Variants in ATOSA observed in about 807,000 individuals in gnomAD.
ATOSA encodes atos homolog A, also known as atos homolog protein A.
chr15:52,659,253 T>C, the ATOSA span, among the ~76,000 whole-genome samples: 1 of 152,242 alleles, frequency 6.6e-6, no homozygotes, highest in East Asian at 1.9e-4. Context: ...CTAGCACATA[T>C]GTGCCAGGCA....
the ATOSA span, among the ~76,000 whole-genome samples, chr15:52,642,914 C>T: frequency 1.2e-4 from 18 of 152,258 alleles, no homozygotes; most frequent in South Asian, 1.2e-3. Context: ...ATCATCTTCC[C>T]GCCTTGGCCT....
the ATOSA span, among the ~76,000 whole-genome samples, chr15:52,614,992 T>C: frequency 4.7e-4 from 71 of 152,344 alleles, 1 homozygote; most frequent in African/African-American, 1.4e-3. Context: ...TAGAAAAAGA[T>C]ACAGATCCAA....
the ATOSA span, among the ~76,000 whole-genome samples, chr15:52,615,157 G>A: frequency 0.01 from 1,555 of 152,194 alleles, 25 homozygotes; most frequent in African/African-American, 0.036. Flanking sequence ...ATCCAGCAGC[G>A]GCACAAAGCC....
At chr15:52,630,044 A>G in the ATOSA span, among the ~76,000 whole-genome samples, 1 of 152,146 alleles carries the variant, frequency 6.6e-6, no homozygotes. Context: ...GTACCTAAGG[A>G]AAGTCATTAC....
chr15:52,642,519 C>T, the ATOSA span, among the ~76,000 whole-genome samples: 1,040 of 152,264 alleles, frequency 6.8e-3, 13 homozygotes, highest in African/African-American at 0.024. Context: ...ATCAGTTTGG[C>T]CACAAGCACA....
At chr15:52,621,577 C>T in the ATOSA span, among the ~76,000 whole-genome samples, 1 of 152,086 alleles carries the variant, frequency 6.6e-6, no homozygotes, top group African/African-American at 2.4e-5. Context: ...GGTAATTGAA[C>T]CATGGGGGTG....
the ATOSA span, among the ~76,000 whole-genome samples, chr15:52,623,631 A>C: frequency 6.6e-6 from 1 of 152,142 alleles, no homozygotes; most frequent in Non-Finnish European, 1.5e-5. Flanking sequence ...ATGGTCTCAA[A>C]CACTGGTAAG....
chr15:52,677,951 A>C, the ATOSA span: 3 of 1,606,236 alleles, frequency 1.9e-6, no homozygotes, highest in South Asian at 3.3e-5. Context: ...TTCTAAATTG[A>C]GGCATAGAAA....
the ATOSA span, among the ~76,000 whole-genome samples, chr15:52,588,129 A>G: frequency 6.6e-6 from 1 of 152,198 alleles, no homozygotes; most frequent in Non-Finnish European, 1.5e-5. Context: ...CATCATCAGC[A>G]TCACTTGTGA....
chr15:52,652,163 G>T, the ATOSA span: 2 of 956,360 alleles, frequency 2.1e-6, no homozygotes, highest in Non-Finnish European at 2.8e-6. Flanking sequence ...CTGTCTACTT[G>T]GCAGCACTGT....
chr15:52,616,778 GC>G, the ATOSA span, among the ~76,000 whole-genome samples: 1 of 152,146 alleles, frequency 6.6e-6, no homozygotes, highest in South Asian at 2.1e-4. Flanking sequence ...ACTGCCATGG[GC>G]ATGGAACAGC....
chr15:52,643,377 GA>G, the ATOSA span, among the ~76,000 whole-genome samples: 7 of 151,758 alleles, frequency 4.6e-5, no homozygotes, highest in African/African-American at 1.7e-4. Flanking sequence ...CTGCAGCCCT[GA>G]ACTCCTGTAC....
chr15:52,642,871 T>C, the ATOSA span, among the ~76,000 whole-genome samples: 2 of 152,220 alleles, frequency 1.3e-5, no homozygotes, highest in Non-Finnish European at 2.9e-5. Flanking sequence ...AGTTTGATCA[T>C]AGCTCACCAT....
At chr15:52,615,443 C>T in the ATOSA span, among the ~76,000 whole-genome samples, 5 of 152,234 alleles carry the variant, frequency 3.3e-5, no homozygotes, top group South Asian at 6.2e-4. Context: ...GCCTATTATA[C>T]CTCAGGTAAT....
At chr15:52,669,770 C>G in the ATOSA span, among the ~76,000 whole-genome samples, 1 of 152,110 alleles carries the variant, frequency 6.6e-6, no homozygotes, top group Non-Finnish European at 1.5e-5. Context: ...TGATTAGATT[C>G]CCAGAAGAGT....
the ATOSA span, chr15:52,609,663 G>A: frequency 2.5e-5 from 41 of 1,613,452 alleles, no homozygotes; most frequent in Middle Eastern, 3.3e-4. Flanking sequence ...CTTTTCCCAC[G>A]TTCTCATTTT....
chr15:52,625,717 T>G, the ATOSA span, among the ~76,000 whole-genome samples: 14 of 152,192 alleles, frequency 9.2e-5, no homozygotes, highest in Non-Finnish European at 1.8e-4. Context: ...AAAGTTACGT[T>G]TTTATAGTCA....
the ATOSA span, among the ~76,000 whole-genome samples, chr15:52,687,748 G>A: frequency 6.6e-6 from 1 of 151,944 alleles, no homozygotes; most frequent in Admixed American, 6.5e-5. Context: ...GTTTGTTTTT[G>A]TTTTTTGCCG....
chr15:52,611,948 C>G, the ATOSA span, among the ~76,000 whole-genome samples: 2 of 152,098 alleles, frequency 1.3e-5, no homozygotes, highest in South Asian at 4.1e-4. Context: ...CGGATCTATG[C>G]TTAGTGAGCT....
Sources: allele counts gnomAD v4.1 joint callset (sites outside exome capture counted in the v4.1 genomes callset), GRCh38; gene constraint gnomAD v4.1.1; transcripts MANE v1.5; gene names NCBI Gene and HGNC (gene_info 2026-07-23, HGNC 2026-07-21).